The following RGS8 variants were observed in gnomAD, a reference collection of about 807,000 sequenced individuals.
The protein encoded by RGS8 is regulator of G protein signaling 8.
RGS8 carries 8 observed loss-of-function variants against 21.7 expected under a neutral mutation model. The observed-to-expected ratio is 0.37, with a 90% CI of 0.22 to 0.66. The LOEUF (loss-of-function observed/expected upper bound fraction) is 0.66, where lower values mean the gene tolerates loss of function less well. Among genes scored for constraint, RGS8 ranks in the 30% least tolerant of loss-of-function variants. The pLI, the probability that RGS8 is intolerant of heterozygous loss-of-function variation, is 0.59. For synonymous variants in RGS8, 80 were observed against 83.6 expected, an observed-to-expected ratio of 0.96 and a Z score of 0.24; for missense variants, 157 against 217.9, an observed-to-expected ratio of 0.72 and a Z score of 1.76.
downstream of RGS8, chr1:182,644,922 G>A (rs1374070677): frequency 1.3e-5 from 2 of 152,178 alleles, no homozygotes; most frequent in African/African-American, 2.4e-5. Flanking sequence ...TTCGGTGTCT[G>A]TGAGGGCTAG....
At chr1:182,715,725 G>C in the RGS8 span, among the ~76,000 whole-genome samples, 1 of 152,186 alleles carries the variant, frequency 6.6e-6, no homozygotes, top group Non-Finnish European at 1.5e-5. Context: ...CAATGGGGAG[G>C]GAGCCAAGCC....
At chr1:182,739,736 A>T in the RGS8 span, among the ~76,000 whole-genome samples, 1 of 150,982 alleles carries the variant, frequency 6.6e-6, no homozygotes, top group East Asian at 1.9e-4. Flanking sequence ...ACCTCCTCCC[A>T]CTCACCCAGC....
At chr1:182,668,547 T>C (rs1663986555) in intron 3 of RGS8, among the ~76,000 whole-genome samples, 1 of 152,188 alleles carries the variant, frequency 6.6e-6, no homozygotes, top group Non-Finnish European at 1.5e-5. Flanking sequence ...GTATTATATT[T>C]GGCAGGGATG....
chr1:182,712,611 C>T, the RGS8 span, among the ~76,000 whole-genome samples: 1 of 152,116 alleles, frequency 6.6e-6, no homozygotes, highest in African/African-American at 2.4e-5. Context: ...ATAAACAATA[C>T]CCTTTAGGAT....
chr1:182,717,827 C>T, the RGS8 span, among the ~76,000 whole-genome samples: 2 of 152,250 alleles, frequency 1.3e-5, no homozygotes, highest in African/African-American at 4.8e-5. Flanking sequence ...CTTTAGCTTA[C>T]AGTAGTTACT....
chr1:182,697,088 C>G, the RGS8 span, among the ~76,000 whole-genome samples: 1 of 152,244 alleles, frequency 6.6e-6, no homozygotes, highest in Non-Finnish European at 1.5e-5. Flanking sequence ...TGCAACCTCA[C>G]TCTGCCACTT....
At chr1:182,671,879 C>G in exon 1 of RGS8, 1 of 1,499,106 alleles carries the variant, frequency 6.7e-7, no homozygotes, top group Non-Finnish European at 8.9e-7. Context: ...CAGCAAGCGG[C>G]CCCACTGAAA....
At chr1:182,743,420 T>TA in the RGS8 span, among the ~76,000 whole-genome samples, 1 of 152,120 alleles carries the variant, frequency 6.6e-6, no homozygotes, top group Non-Finnish European at 1.5e-5. Context: ...AGCAACTTCT[T>TA]AGAGTTGTGA....
chr1:182,669,543 G>A (rs964450142), intron 3 of RGS8, 81 bp downstream of exon 4: 7 of 1,604,086 alleles, frequency 4.4e-6, no homozygotes, highest in Non-Finnish European at 6.0e-6. Context: ...GCTTGGGCCA[G>A]ACTCAAATAA....
intron 6 of RGS8, 103 bp downstream of exon 7, chr1:182,648,034 A>G: frequency 2.0e-6 from 2 of 1,006,260 alleles, no homozygotes; most frequent in Non-Finnish European, 2.8e-6. Flanking sequence ...GGCTCAGTTT[A>G]GTATAAGAAA....
upstream of RGS8, among the ~76,000 whole-genome samples, chr1:182,672,425 A>G (rs1015276964): frequency 6.6e-6 from 1 of 151,954 alleles, no homozygotes; most frequent in African/African-American, 2.4e-5. Flanking sequence ...CTCAATTTCT[A>G]TTGTGCTGCA....
chr1:182,715,405 C>G, the RGS8 span, among the ~76,000 whole-genome samples: 1 of 152,212 alleles, frequency 6.6e-6, no homozygotes, highest in African/African-American at 2.4e-5. Flanking sequence ...CACTCCCCAT[C>G]TGGCTTCTTC....
chr1:182,734,434 T>C, the RGS8 span: 1 of 152,226 alleles, frequency 6.6e-6, no homozygotes, highest in Non-Finnish European at 1.5e-5. Flanking sequence ...TGGTCATACT[T>C]GCCAAGTTAA....
the RGS8 span, among the ~76,000 whole-genome samples, chr1:182,718,302 A>T: frequency 2.6e-5 from 4 of 152,386 alleles, no homozygotes; most frequent in South Asian, 6.2e-4. Context: ...GAACTAAAGC[A>T]GAACCCAAAA....
chr1:182,746,427 G>A, the RGS8 span, among the ~76,000 whole-genome samples: 1 of 152,142 alleles, frequency 6.6e-6, no homozygotes, highest in African/African-American at 2.4e-5. Flanking sequence ...AACACTTTGG[G>A]AGGCCAAGGC....
At chr1:182,712,968 T>A in the RGS8 span, 2 of 152,302 alleles carry the variant, frequency 1.3e-5, no homozygotes, top group Non-Finnish European at 2.9e-5. Context: ...TTGTTTGGCA[T>A]CAGACCGGTC....
chr1:182,745,057 A>G, the RGS8 span, among the ~76,000 whole-genome samples: 6 of 152,264 alleles, frequency 3.9e-5, no homozygotes, highest in Non-Finnish European at 7.3e-5. Context: ...TGAACAAATT[A>G]CTAAATCCAA....
At chr1:182,725,724 T>A in the RGS8 span, among the ~76,000 whole-genome samples, 1 of 152,232 alleles carries the variant, frequency 6.6e-6, no homozygotes, top group Non-Finnish European at 1.5e-5. Flanking sequence ...AGAAGTGATG[T>A]GTTTCCTGCT....
the RGS8 span, among the ~76,000 whole-genome samples, chr1:182,723,538 G>GA: frequency 1.1e-4 from 17 of 152,210 alleles, no homozygotes; most frequent in Non-Finnish European, 1.3e-4. Flanking sequence ...AAAAATGGAA[G>GA]AGAGTGCTTA....
Sources: gnomAD v4.1 joint callset for allele counts (sites outside exome capture counted in the v4.1 genomes callset) on GRCh38, gnomAD v4.1.1 for gene constraint, MANE v1.5 for transcripts, NCBI Gene and HGNC (gene_info 2026-07-23, HGNC 2026-07-21) for gene names.